The following GPR149 variants were observed in gnomAD, a reference collection of about 807,000 sequenced individuals.
The protein encoded by GPR149 is probable G protein-coupled receptor 149.
A neutral mutation model predicts 50.2 loss-of-function variants in GPR149; 50 were observed. The ratio of observed to expected loss-of-function variants is 1.00; its 90% confidence interval spans 0.79 to 1.26. GPR149 has a LOEUF of 1.26. Ranked by LOEUF, GPR149 falls within the 50% of genes most tolerant of loss-of-function variation. The pLI is 0.00. For synonymous variants in GPR149, 405 were observed against 358.2 expected, an observed-to-expected ratio of 1.13 and a Z score of -1.48; for missense variants, 983 against 895.4, an observed-to-expected ratio of 1.10 and a Z score of -1.25.
chr3:154,364,197 A>G (rs1050105433), intron 3 of GPR149, among the ~76,000 whole-genome samples: 1 of 152,218 alleles, frequency 6.6e-6, no homozygotes, highest in Non-Finnish European at 1.5e-5. Flanking sequence ...AATCCCATTC[A>G]TGAGGGCAGA....
At chr3:154,384,204 C>T (rs542422020) in intron 3 of GPR149, among the ~76,000 whole-genome samples, 3 of 152,260 alleles carry the variant, frequency 2.0e-5, no homozygotes, top group South Asian at 4.2e-4. Context: ...CAGGCGTTTA[C>T]ATAAAGCCTC....
At chr3:154,378,572 T>C (rs1272927928) in intron 3 of GPR149, among the ~76,000 whole-genome samples, 1 of 152,222 alleles carries the variant, frequency 6.6e-6, no homozygotes, top group East Asian at 1.9e-4. Flanking sequence ...GTTATAAGTT[T>C]ATGTTTAATT....
At chr3:154,416,560 A>T (rs959502817) in intron 3 of GPR149, among the ~76,000 whole-genome samples, 1 of 151,824 alleles carries the variant, frequency 6.6e-6, no homozygotes, top group African/African-American at 2.4e-5. Context: ...AAATAATAAT[A>T]TTTTAAAAAT....
In GPR149 at chr3:154,429,324, G is replaced by T. The variant is rs1333237844; in HGVS notation, c.292C>A (p.Pro98Thr). The change falls in exon 1 of 4, where the codon CCC (proline) becomes ACC (threonine). Residue 98 changes from proline to threonine, a missense_variant. Pro to Thr is a conservative substitution (Grantham distance 38). Coordinates refer to ENST00000389740, the MANE Select transcript of GPR149 (RefSeq NM_001038705.3). ...FMFLQWPNEV[P>T]GYFQFLCTTS... ...GTGCACAGAAATTGGAAGTAACCGGGGACCTCGTTTGGCCACTGCAAAAAC... is the reference window on the plus strand; with the variant it reads ...GTGCACAGAAATTGGAAGTAACCGGTGACCTCGTTTGGCCACTGCAAAAAC... 1 of 1,614,036 alleles carries T rather than the reference G, an allele frequency of 6.2e-7. No homozygotes were observed. The highest frequency in any genetic ancestry group is 8.5e-7 in the Non-Finnish European group (1 of 1,180,026).
chr3:154,338,144 G>A lies in GPR149; in HGVS notation c.1751C>T (p.Pro584Leu). Residue 584 changes from proline (P) to leucine (L), a missense_variant, in exon 4 of 4, where the codon CCA becomes CTA. Coordinates refer to ENST00000389740, the MANE Select transcript of GPR149 (RefSeq NM_001038705.3). ...ATAGACTTCTATTTTCTTAGAGGCT[G>A]GAGTTATTTTTTGCCCTTCTGCGCT... is the stretch of plus-strand genomic sequence containing the variant. Reference protein sequence around the residue: ...EVSAEGQKITPASKKIEVYRS... With the variant: ...EVSAEGQKITLASKKIEVYRS... 1 of 1,614,118 alleles carries A rather than the reference G, an allele frequency of 6.2e-7. No individual in the cohort carries two copies. The highest frequency in any genetic ancestry group is 8.5e-7 in the Non-Finnish European group (1 of 1,180,000).
chr3:154,396,683 A>G (rs1715300922), intron 3 of GPR149, among the ~76,000 whole-genome samples: 1 of 152,060 alleles, frequency 6.6e-6, no homozygotes, highest in South Asian at 2.1e-4. Context: ...TTTTAGGAAT[A>G]TAAATATCAA....
chr3:154,400,160 G>A (rs535070093), intron 3 of GPR149, among the ~76,000 whole-genome samples: 6 of 151,866 alleles, frequency 4.0e-5, no homozygotes, highest in Non-Finnish European at 8.8e-5. Flanking sequence ...CTAATTTTCT[G>A]TATTTTTAGT....
intron 3 of GPR149, among the ~76,000 whole-genome samples, chr3:154,385,316 A>AT (rs1208430529): frequency 2.0e-5 from 3 of 152,140 alleles, no homozygotes; most frequent in African/African-American, 7.2e-5. Flanking sequence ...GGGCTTTCAT[A>AT]TTTTTTGTAC....
intron 3 of GPR149, among the ~76,000 whole-genome samples, chr3:154,365,210 C>T (rs1309439252): frequency 6.6e-6 from 1 of 152,184 alleles, no homozygotes; most frequent in Non-Finnish European, 1.5e-5. Context: ...CAGCTGGGAG[C>T]AGTTCACCAG....
At chr3:154,348,975 T>C (rs963096654) in intron 3 of GPR149, among the ~76,000 whole-genome samples, 2 of 151,634 alleles carry the variant, frequency 1.3e-5, no homozygotes, top group African/African-American at 4.8e-5. Context: ...AGCAGAAAGA[T>C]AGCAAGAGAA....
chr3:154,339,213 G>A (rs1011043589), intron 3 of GPR149, among the ~76,000 whole-genome samples: 1 of 152,132 alleles, frequency 6.6e-6, no homozygotes, highest in African/African-American at 2.4e-5. Context: ...CAGGTTTTTA[G>A]CATTATCCCA....
intron 3 of GPR149, among the ~76,000 whole-genome samples, chr3:154,379,836 G>C (rs1401108383): frequency 6.6e-6 from 1 of 151,944 alleles, no homozygotes; most frequent in Non-Finnish European, 1.5e-5. Flanking sequence ...TAATTACTGT[G>C]TCTTTATAGC....
In GPR149 at chr3:154,429,247, C is replaced by A; in HGVS notation, c.369G>T (p.Ala123=). The change falls in exon 1 of 4, where the codon GCG becomes GCT. Residue 123 remains alanine (A), a synonymous_variant. Transcript: ENST00000389740. ...AAAAGTTGTAAGAGACTAGGAGAGT[C>A]GCCTTCAAGTTGCTAGAGAGGCCCT... The part of the protein sequence containing the change: ...LCQGLSSNLK[A]TLLVSYNFYT... 1.2e-6 allele frequency: 2 copies of A among 1,614,138 alleles called. No individual in the cohort carries two copies. Among genetic ancestry groups the A allele is most frequent in the African/African-American group, 1.3e-5 (1 of 75,038 alleles).
rs561822403 is a variant in GPR149 at position 154,406,951 on chromosome 3, T to C, written c.1623+14088A>G. On this transcript the variant is annotated intron_variant, in intron 3 of 3. Transcript: ENST00000389740. ...CATGGCTGGGAAGGCCTCACAATCA[T>C]GACAGACAGGAAAAGGGATGTCTTA... is the stretch of plus-strand genomic sequence containing the variant. Among the ~76,000 whole-genome samples, 60 of 152,242 alleles carry C rather than the reference T, an allele frequency of 3.9e-4. 1 individual carries two copies. Among genetic ancestry groups the C allele is most frequent in the Middle Eastern group, 6.8e-3 (2 of 294 alleles).
At position 154,337,942 on chromosome 3, in the gene GPR149, G is replaced by T; in HGVS notation, c.1953C>A (p.Ser651=). 1 of 1,613,502 alleles carries T rather than the reference G, an allele frequency of 6.2e-7. No homozygotes were observed. Among genetic ancestry groups the T allele is most frequent in the Non-Finnish European group, 8.5e-7 (1 of 1,179,636 alleles). ...SQSSTQVRSP[S]LRYSRKENRF... ...TGTTTTCTTTCCTGGAGTAACGTAGGGATGGAGATCTGACTTGTGTGGAGG... is the reference window on the plus strand; with the variant it reads ...TGTTTTCTTTCCTGGAGTAACGTAGTGATGGAGATCTGACTTGTGTGGAGG... The change falls in exon 4 of 4, where the codon TCC becomes TCA. Residue 651 remains serine (S), a synonymous_variant. Coordinates refer to ENST00000389740, the MANE Select transcript of GPR149 (RefSeq NM_001038705.3).
chr3:154,373,994 C>T (rs1714728089), intron 3 of GPR149, among the ~76,000 whole-genome samples: 1 of 151,968 alleles, frequency 6.6e-6, no homozygotes, highest in Non-Finnish European at 1.5e-5. Flanking sequence ...AAAAAATAAA[C>T]AAACAAACAA....
At chr3:154,391,530 A>T (rs1343814260) in intron 3 of GPR149, among the ~76,000 whole-genome samples, 4 of 150,026 alleles carry the variant, frequency 2.7e-5, no homozygotes, top group African/African-American at 9.8e-5. Flanking sequence ...AAGGAAAAAA[A>T]GATGAACAAA....
chr3:154,370,577 C>A (rs1191833379), intron 3 of GPR149, among the ~76,000 whole-genome samples: 1 of 152,162 alleles, frequency 6.6e-6, no homozygotes, highest in Non-Finnish European at 1.5e-5. Flanking sequence ...TGAAGGCCCT[C>A]TGGACCAGAG....
At chr3:154,390,984 A>G (rs1576918725) in intron 3 of GPR149, among the ~76,000 whole-genome samples, 2 of 152,262 alleles carry the variant, frequency 1.3e-5, no homozygotes, top group South Asian at 4.1e-4. Flanking sequence ...TCAAAAATAA[A>G]GGAGAGATAA....
Sources: gnomAD v4.1 joint callset for allele counts (sites outside exome capture counted in the v4.1 genomes callset) on GRCh38, gnomAD v4.1.1 for gene constraint, MANE v1.5 for transcripts, NCBI Gene and HGNC (gene_info 2026-07-23, HGNC 2026-07-21) for gene names.